The following PI4KA variants were observed in gnomAD, a reference collection of about 807,000 sequenced individuals.
PI4KA encodes the protein phosphatidylinositol 4-kinase alpha.
PI4KA carries 122 observed loss-of-function variants against 271.4 expected under a neutral mutation model. That is an observed-to-expected ratio of 0.45 (90% CI 0.39 to 0.52). The LOEUF is 0.52. Ranked by LOEUF, PI4KA falls within the 20% of genes least tolerant of loss-of-function variation. The pLI is 0.00. For synonymous variants in PI4KA, 1,041 were observed against 1,078.8 expected (o/e 0.96, Z 0.69); for missense variants, 1,969 against 2,769.1 (o/e 0.71, Z 6.48).
intron 18 of PI4KA, 77 bp from the exon 19 acceptor site, chr22:20,793,320 T>C (rs1310561375): frequency 5.0e-6 from 4 of 807,322 alleles, no homozygotes; most frequent in Non-Finnish European, 4.2e-6. Context: ...AGATACAACA[T>C]AGTGTTATGT....
intron 19 of PI4KA, among the ~76,000 whole-genome samples, chr22:20,770,723 T>G (rs1601450383): frequency 6.6e-6 from 1 of 152,116 alleles, no homozygotes; most frequent in East Asian, 1.9e-4. Flanking sequence ...GGAGTTGTTC[T>G]ACTACACTAT....
chr22:20,731,809 G>A (rs1368773994), intron 36 of PI4KA, among the ~76,000 whole-genome samples: 1 of 152,016 alleles, frequency 6.6e-6, no homozygotes, highest in African/African-American at 2.4e-5. Context: ...AGCGCCTGTA[G>A]TCCCAGCTAC....
At chr22:20,852,541 T>TAC (rs1927115989) in intron 1 of PI4KA, among the ~76,000 whole-genome samples, 1 of 152,218 alleles carries the variant, frequency 6.6e-6, no homozygotes, top group Admixed American at 6.5e-5. Flanking sequence ...ATGGCATGGT[T>TAC]ACAGGTAAAG....
At chr22:20,851,522 G>A (rs975640986) in intron 1 of PI4KA, among the ~76,000 whole-genome samples, 1 of 152,044 alleles carries the variant, frequency 6.6e-6, no homozygotes, top group Non-Finnish European at 1.5e-5. Context: ...ATTTTTAGTA[G>A]AGACAGGGTT....
intron 3 of PI4KA, among the ~76,000 whole-genome samples, chr22:20,828,279 A>G (rs1440064257): frequency 1.3e-5 from 2 of 152,154 alleles, no homozygotes; most frequent in Non-Finnish European, 2.9e-5. Flanking sequence ...TTTTCTAGGT[A>G]TAAAATCATA....
At chr22:20,843,134 T>C (rs928742660) in intron 1 of PI4KA, among the ~76,000 whole-genome samples, 5 of 152,068 alleles carry the variant, frequency 3.3e-5, no homozygotes, top group Non-Finnish European at 5.9e-5. Flanking sequence ...AATATTTAGT[T>C]CCTTCTTTAT....
chr22:20,820,689 A>T, intron 4 of PI4KA, 78 bp from the exon 5 acceptor site: 1 of 1,005,606 alleles, frequency 9.9e-7, no homozygotes, highest in Non-Finnish European at 1.5e-6. Flanking sequence ...TCAGAATTAG[A>T]AGGCACTTCA....
At chr22:20,813,788 A>C (rs1250465585) in intron 7 of PI4KA, among the ~76,000 whole-genome samples, 1 of 152,042 alleles carries the variant, frequency 6.6e-6, no homozygotes, top group Non-Finnish European at 1.5e-5. Flanking sequence ...AAAGAATTGT[A>C]TCTTTTTTAT....
chr22:20,721,567 T>C (rs1926742558), intron 42 of PI4KA, 149 bp from the exon 43 acceptor site: 2 of 769,566 alleles, frequency 2.6e-6, no homozygotes, highest in Non-Finnish European at 2.1e-6. Flanking sequence ...CCAGGATTGA[T>C]GTTGAGTCCA....
intron 19 of PI4KA, among the ~76,000 whole-genome samples, chr22:20,789,948 C>T (rs747421907): frequency 1.7e-4 from 26 of 151,462 alleles, no homozygotes; most frequent in Admixed American, 1.6e-3. Context: ...AGTAAACTTG[C>T]TCTCAGTGAA....
At chr22:20,811,256 A>G (rs1172013286) in intron 8 of PI4KA, among the ~76,000 whole-genome samples, 2 of 152,208 alleles carry the variant, frequency 1.3e-5, no homozygotes, top group Non-Finnish European at 2.9e-5. Flanking sequence ...AATGACATAA[A>G]AACAAAGGAA....
Position 20,720,049 on chromosome 22 carries a change from AAAC to A in PI4KA, c.5117-1230_5117-1228del, listed in dbSNP as rs1162694012. On this transcript the variant is annotated intron_variant, in intron 43 of 54. Transcript: ENST00000255882. ...TCAAAAAAAAAAAAAAAAAAAAAAAAAACCCTTTCTGGTAAGACTGGCAGATGT... is the reference window on the plus strand; with the variant it reads ...TCAAAAAAAAAAAAAAAAAAAAAAAACCTTTCTGGTAAGACTGGCAGATGT... Among the ~76,000 whole-genome samples the A allele has an allele frequency of 9.8e-3, 606 of 61,690 alleles. 21 individuals are homozygous for A. The highest frequency in any genetic ancestry group is 0.027 in the Middle Eastern group (3 of 112). The allele number at this position is 61,690 out of a possible 152,430, so 40.5% of individuals were successfully genotyped here.
At chr22:20,745,208 G>A (rs1029071591) in intron 29 of PI4KA, among the ~76,000 whole-genome samples, 2 of 152,274 alleles carry the variant, frequency 1.3e-5, no homozygotes, top group African/African-American at 2.4e-5. Context: ...GCAACCCACA[G>A]AATGGGAGAA....
chr22:20,820,452 G>A, intron 5 of PI4KA, 87 bp downstream of exon 5: 2 of 860,464 alleles, frequency 2.3e-6, no homozygotes, highest in South Asian at 3.0e-5. Flanking sequence ...TATATATTAG[G>A]TACCCAACAA....
intron 1 of PI4KA, among the ~76,000 whole-genome samples, chr22:20,858,216 T>C (rs942195260): frequency 1.3e-5 from 2 of 152,150 alleles, no homozygotes; most frequent in Admixed American, 1.3e-4. Context: ...TGACCCCTGG[T>C]CCTCGGCTCA....
At chr22:20,798,777 G>A in intron 16 of PI4KA, 90 bp from the exon 17 acceptor site, 1 of 874,322 alleles carries the variant, frequency 1.1e-6, no homozygotes, top group Non-Finnish European at 1.9e-6. Flanking sequence ...CTGGAATCCT[G>A]GGGCACAACA....
At chr22:20,715,944 G>T (rs950221069) in intron 45 of PI4KA, among the ~76,000 whole-genome samples, 1 of 152,210 alleles carries the variant, frequency 6.6e-6, no homozygotes, top group Non-Finnish European at 1.5e-5. Flanking sequence ...AGGCTGGAGT[G>T]CAGTGGTGCA....
intron 19 of PI4KA, among the ~76,000 whole-genome samples, chr22:20,788,157 T>C (rs938661375): frequency 1.3e-5 from 2 of 152,140 alleles, no homozygotes; most frequent in African/African-American, 4.8e-5. Flanking sequence ...ACAGGTGCTG[T>C]GTGTGCAGGT....
intron 23 of PI4KA, among the ~76,000 whole-genome samples, chr22:20,756,206 CT>C (rs200988090): frequency 6.3e-3 from 894 of 140,892 alleles, no homozygotes; most frequent in Middle Eastern, 0.011. Flanking sequence ...AGTATAATAG[CT>C]TTTTTTTTTT....
Sources: allele counts gnomAD v4.1 joint callset (sites outside exome capture counted in the v4.1 genomes callset), GRCh38; gene constraint gnomAD v4.1.1; transcripts MANE v1.5; gene names NCBI Gene and HGNC (gene_info 2026-07-23, HGNC 2026-07-21).